ASB3: variants seen among roughly 807,000 people sequenced by gnomAD.
ASB3 encodes the protein ankyrin repeat and SOCS box protein 3.
In ASB3, 41 loss-of-function variants were observed where a neutral mutation model predicts 54.5. The observed-to-expected ratio is 0.75, with a 90% CI of 0.59 to 0.98. ASB3 has a LOEUF of 0.98. Among genes scored for constraint, ASB3 ranks in the 50% least tolerant of loss-of-function variants. The pLI is 0.00. For missense variants in ASB3, 733 were observed against 620.0 expected (o/e 1.18, Z -1.94); for synonymous variants, 266 against 221.2 (o/e 1.20, Z -1.80).
chr2:53,718,852 T>C (rs1274166767), intron 5 of ASB3, among the ~76,000 whole-genome samples: 1 of 151,572 alleles, frequency 6.6e-6, no homozygotes, highest in Non-Finnish European at 1.5e-5. Flanking sequence ...AGGCTCAAAG[T>C]AAAGGGTTGA....
intron 8 of ASB3, among the ~76,000 whole-genome samples, chr2:53,695,488 T>A (rs1558521570): frequency 6.8e-6 from 1 of 147,236 alleles, no homozygotes. Context: ...TGGTTCTTTA[T>A]TTTTTTTTTT....
At chr2:53,719,439 T>C (rs1670576335) in intron 5 of ASB3, among the ~76,000 whole-genome samples, 1 of 152,124 alleles carries the variant, frequency 6.6e-6, no homozygotes, top group Non-Finnish European at 1.5e-5. Context: ...AAGATCAGCA[T>C]GATCATAAAC....
rs145364750 is a variant in ASB3, at chr2:53,748,806, C to T, written c.355+1977G>A. Among the ~76,000 whole-genome samples, 513 of 152,046 alleles carry T rather than the reference C, an allele frequency of 3.4e-3. 5 individuals are homozygous for T. Among genetic ancestry groups the T allele is most frequent in the African/African-American group, 0.012 (492 of 41,460 alleles). On this transcript the variant is annotated intron_variant, in intron 3 of 9. Transcript: ENST00000263634. ...AAGTGATCTTGGATTCATCACGGAC[C>T]AAAATCTTTTTTTCTGTTGCTATAA...
intron 7 of ASB3, among the ~76,000 whole-genome samples, chr2:53,704,240 A>T (rs1197654639): frequency 1.3e-5 from 2 of 151,946 alleles, no homozygotes; most frequent in Admixed American, 1.3e-4. Flanking sequence ...TATGCCTGTA[A>T]TCCCAGCTAC....
chr2:53,733,281 T>A (rs1040078062), intron 3 of ASB3, among the ~76,000 whole-genome samples: 36 of 152,222 alleles, frequency 2.4e-4, no homozygotes, highest in African/African-American at 7.7e-4. Context: ...ATTGAAACAA[T>A]GTTGCTAACA....
chr2:53,753,943 A>G (rs764896004), intron 2 of ASB3, among the ~76,000 whole-genome samples: 17 of 151,942 alleles, frequency 1.1e-4, no homozygotes, highest in South Asian at 4.2e-4. Flanking sequence ...GCCTGGCCTT[A>G]CATCTTGGTT....
At chr2:53,681,280 T>C (rs997507656) in intron 9 of ASB3, among the ~76,000 whole-genome samples, 1 of 152,206 alleles carries the variant, frequency 6.6e-6, no homozygotes, top group African/African-American at 2.4e-5. Context: ...TTTTAGTTTT[T>C]TGAGGAAACT....
intron 4 of ASB3, 70 bp downstream of exon 4, chr2:53,729,388 T>A (rs1242089543): frequency 3.3e-6 from 5 of 1,521,412 alleles, no homozygotes; most frequent in Non-Finnish European, 4.5e-6. Context: ...AAAAACTGCA[T>A]AGGACTGTCA....
chr2:53,716,052 AGTT>A (rs1670370292), intron 6 of ASB3, among the ~76,000 whole-genome samples: 1 of 152,196 alleles, frequency 6.6e-6, no homozygotes, highest in Non-Finnish European at 1.5e-5. Context: ...GGTATAACCA[AGTT>A]ACTAGCTTCT....
intron 9 of ASB3, among the ~76,000 whole-genome samples, chr2:53,692,060 G>A (rs1337463576): frequency 6.6e-6 from 1 of 152,110 alleles, no homozygotes; most frequent in Non-Finnish European, 1.5e-5. Context: ...TAGGATGCTT[G>A]GCAGCATCCC....
intron 1 of ASB3, among the ~76,000 whole-genome samples, chr2:53,776,980 G>A (rs1026333861): frequency 2.0e-5 from 3 of 152,046 alleles, no homozygotes; most frequent in Admixed American, 2.0e-4. Context: ...ATGAAAATTA[G>A]CTTTATTGGA....
intron 2 of ASB3, among the ~76,000 whole-genome samples, chr2:53,763,179 G>C (rs1422199973): frequency 3.3e-5 from 5 of 152,124 alleles, no homozygotes; most frequent in African/African-American, 9.7e-5. Context: ...CCAAGGGTTT[G>C]AGACCAGCCT....
intron 1 of ASB3, among the ~76,000 whole-genome samples, chr2:53,784,300 T>C (rs1373474684): frequency 6.6e-6 from 1 of 152,198 alleles, no homozygotes; most frequent in East Asian, 1.9e-4. Context: ...CCCGACCACT[T>C]TGGGCACATG....
intron 5 of ASB3, among the ~76,000 whole-genome samples, chr2:53,726,480 C>A (rs974626429): frequency 2.0e-5 from 3 of 151,548 alleles, no homozygotes; most frequent in African/African-American, 7.3e-5. Flanking sequence ...AGGCTGGTTG[C>A]AAACTCCTGA....
At chr2:53,777,669 C>A (rs1337113143) in intron 1 of ASB3, among the ~76,000 whole-genome samples, 1 of 152,184 alleles carries the variant, frequency 6.6e-6, no homozygotes, top group Non-Finnish European at 1.5e-5. Context: ...ACATAATACA[C>A]ATTAAACGTT....
intron 1 of ASB3, chr2:53,768,312 C>T (rs1673644402): frequency 3.0e-6 from 1 of 331,514 alleles, no homozygotes; most frequent in African/African-American, 2.1e-5. Flanking sequence ...GAGATGGGGA[C>T]TCCATCTCTC....
At chr2:53,697,273 C>T (rs1669236471) in intron 8 of ASB3, among the ~76,000 whole-genome samples, 1 of 152,214 alleles carries the variant, frequency 6.6e-6, no homozygotes, top group Non-Finnish European at 1.5e-5. Context: ...AGTCCTGGGA[C>T]TTGCCCACCC....
At chr2:53,695,491 T>A (rs1381811368) in intron 8 of ASB3, among the ~76,000 whole-genome samples, 2 of 152,150 alleles carry the variant, frequency 1.3e-5, no homozygotes, top group Non-Finnish European at 2.9e-5. Flanking sequence ...TTCTTTATTT[T>A]TTTTTTTAAC....
At chr2:53,756,430 C>T (rs1038109020) in intron 2 of ASB3, among the ~76,000 whole-genome samples, 1 of 152,150 alleles carries the variant, frequency 6.6e-6, no homozygotes, top group Non-Finnish European at 1.5e-5. Flanking sequence ...AATATTTTAA[C>T]TTGGCATGGT....
Sources: allele counts gnomAD v4.1 joint callset (sites outside exome capture counted in the v4.1 genomes callset), GRCh38; gene constraint gnomAD v4.1.1; transcripts MANE v1.5; gene names NCBI Gene and HGNC (gene_info 2026-07-23, HGNC 2026-07-21).